ZBTB10: variants seen among roughly 807,000 people sequenced by gnomAD.
The protein encoded by ZBTB10 is zinc finger and BTB domain-containing protein 10.
Under a neutral mutation model 76.4 loss-of-function variants are expected in ZBTB10, and 32 were observed. The ratio of observed to expected loss-of-function variants is 0.42; its 90% confidence interval spans 0.32 to 0.56. The LOEUF (loss-of-function observed/expected upper bound fraction) is 0.56. Among genes scored for constraint, ZBTB10 ranks in the 20% least tolerant of loss-of-function variants. The pLI is 0.14. For missense variants in ZBTB10, 1,057 were observed against 1,098.5 expected, an observed-to-expected ratio of 0.96 and a Z score of 0.53; for synonymous variants, 523 against 432.9, an observed-to-expected ratio of 1.21 and a Z score of -2.58.
At chr8:80,519,102 G>GAACT in intron 5 of ZBTB10, 121 bp from the exon 6 acceptor site, 1 of 1,402,400 alleles carries the variant, frequency 7.1e-7, no homozygotes, top group East Asian at 2.5e-5. Flanking sequence ...CTGATAGTGA[G>GAACT]CTTTTTACAG....
At position 80,486,603 on chromosome 8, in the gene ZBTB10, G is replaced by A; in HGVS notation, c.-208G>A. 1.6e-5 allele frequency: 16 copies of A among 986,566 alleles called. No homozygotes were observed. The highest frequency in any genetic ancestry group is 1.9e-5 in the Non-Finnish European group (16 of 831,124). The allele number at this position is 986,566 out of a possible 1,614,324, so 61.1% of individuals were successfully genotyped here. On this transcript the variant is annotated 5_prime_UTR_variant, in exon 1 of 6. Coordinates refer to ENST00000455036, the MANE Select transcript of ZBTB10 (RefSeq NM_001105539.3). Reference sequence around the variant, plus strand: ...AGAGAGCGGTCGGAGGCGTCGGCCCGGCAGCGGCAGCGGCAGCGGACGCGT... The same window carrying A: ...AGAGAGCGGTCGGAGGCGTCGGCCCAGCAGCGGCAGCGGCAGCGGACGCGT...
chr8:80,497,412 T>C (rs950649781), intron 1 of ZBTB10, among the ~76,000 whole-genome samples: 1 of 151,294 alleles, frequency 6.6e-6, no homozygotes, highest in Non-Finnish European at 1.5e-5. Flanking sequence ...TTTTGCAGAA[T>C]TGGATCTTTT....
At chr8:80,502,534 G>A (rs575418017) in intron 2 of ZBTB10, among the ~76,000 whole-genome samples, 26 of 152,164 alleles carry the variant, frequency 1.7e-4, no homozygotes, top group African/African-American at 5.1e-4. Context: ...GTGCCCAGCC[G>A]TCTCTTAAAA....
In ZBTB10 at chr8:80,486,271, C is replaced by T. The variant is rs1247588381; in HGVS notation, c.-540C>T. ...CAGGGCCTGGTCGGACGGAAACGCT[C>T]CGCCGGCTTTATTGTCGCTTCGTTA... On this transcript the variant is annotated 5_prime_UTR_variant, in exon 1 of 6. Transcript: ENST00000455036. 2.0e-6 allele frequency: 2 copies of T among 1,017,478 alleles called. No homozygotes were observed. The highest frequency in any genetic ancestry group is 1.7e-5 in the African/African-American group (1 of 57,626). The allele number at this position is 1,017,478 out of a possible 1,614,324, so 63.0% of individuals were successfully genotyped here.
At position 80,514,497 on chromosome 8, in the gene ZBTB10, G is replaced by A. The variant is rs528451049; in HGVS notation, c.1960+489G>A. 5.3e-5 allele frequency among the ~76,000 whole-genome samples: 8 copies of A among 152,318 alleles called. No homozygotes were observed. The East Asian group carries it at 1.5e-3, about 29-fold the overall frequency. Reference sequence around the variant, plus strand: ...GAGTAAAAGAAAGTCATTCTTTACAGAAGAATGCCAAGCTGATAGAAGAAT... The same window carrying A: ...GAGTAAAAGAAAGTCATTCTTTACAAAAGAATGCCAAGCTGATAGAAGAAT... On this transcript the variant is annotated intron_variant, in intron 3 of 5. Transcript: ENST00000455036.
Position 80,486,320 on chromosome 8 carries a change from C to A in ZBTB10, c.-491C>A. 1.0e-6 allele frequency: 1 copy of A among 998,998 alleles called. No homozygotes were observed. Among genetic ancestry groups the A allele is most frequent in the Non-Finnish European group, 1.2e-6 (1 of 839,644 alleles). The allele number at this position is 998,998 out of a possible 1,614,324, so 61.9% of individuals were successfully genotyped here. On this transcript the variant is annotated 5_prime_UTR_variant, in exon 1 of 6. Coordinates refer to ENST00000455036, the MANE Select transcript of ZBTB10 (RefSeq NM_001105539.3). ...TATGTGGCGGAGCCGAGCAGTTTAG[C>A]GTGCCTCTCACCCTCAGCGCCTGCG...
upstream of ZBTB10, chr8:80,485,969 C>G: frequency 1.5e-6 from 2 of 1,338,084 alleles, no homozygotes; most frequent in Non-Finnish European, 2.0e-6. Context: ...GCCGCACACG[C>G]CCGCCCCCTC....
Position 80,494,375 on chromosome 8 carries a change from C to T in ZBTB10, c.973-5119C>T, listed in dbSNP as rs1013231727. ...CTTGTAACTGAAGTTAGCCTCTCTT[C>T]CTCTACCCCCGCAAAAGTGTAGGAG... On this transcript the variant is annotated intron_variant, in intron 1 of 5. Coordinates refer to ENST00000455036, the MANE Select transcript of ZBTB10 (RefSeq NM_001105539.3). Among the ~76,000 whole-genome samples, 6 of 152,262 alleles carry T rather than the reference C, an allele frequency of 3.9e-5. No homozygotes were observed. The South Asian group carries it at 6.2e-4, about 16-fold the overall frequency.
intron 2 of ZBTB10, among the ~76,000 whole-genome samples, chr8:80,510,004 A>T (rs1413786332): frequency 6.6e-6 from 1 of 152,188 alleles, no homozygotes; most frequent in Non-Finnish European, 1.5e-5. Context: ...ATACATGGTT[A>T]ATTAGAGAAG....
In ZBTB10 at chr8:80,487,797, G is replaced by A; in HGVS notation, c.972+15G>A. 6.5e-7 allele frequency: 1 copy of A among 1,535,814 alleles called. No individual in the cohort carries two copies. Among genetic ancestry groups the A allele is most frequent in the South Asian group, 1.3e-5 (1 of 78,576 alleles). ...CCAACGCCCAGGTACAGTATATCCT[G>A]CTCCTACTTTTTTGAGATCTTTTAG... On this transcript the variant is annotated intron_variant, in intron 1 of 5. Transcript: ENST00000455036.
intron 1 of ZBTB10, among the ~76,000 whole-genome samples, chr8:80,498,139 A>G (rs1815833788): frequency 6.6e-6 from 1 of 152,188 alleles, no homozygotes; most frequent in African/African-American, 2.4e-5. Context: ...ACATGATTGC[A>G]TTAAGTCATG....
chr8:80,486,469 A>C lies in ZBTB10; in HGVS notation c.-342A>C. 1 of 985,000 alleles carries C rather than the reference A, an allele frequency of 1.0e-6. No homozygotes were observed. The highest frequency in any genetic ancestry group is 1.7e-5 in the African/African-American group (1 of 57,248). The allele number at this position is 985,000 out of a possible 1,614,324, so 61.0% of individuals were successfully genotyped here. The stretch of plus-strand genomic sequence containing the variant: ...AGGGTCTCCCCGCACTCCGCTGCTC[A>C]ACTTCGAAGGCCTCGCTCGCTGCAG... On this transcript the variant is annotated 5_prime_UTR_variant, in exon 1 of 6. Coordinates refer to ENST00000455036, the MANE Select transcript of ZBTB10 (RefSeq NM_001105539.3).
intron 3 of ZBTB10, among the ~76,000 whole-genome samples, chr8:80,518,074 C>G (rs985092216): frequency 6.6e-6 from 1 of 151,564 alleles, no homozygotes; most frequent in African/African-American, 2.4e-5. Context: ...TCCATGTTGC[C>G]CAGGCTGGTT....
chr8:80,486,029 C>T (rs1585830259), upstream of ZBTB10: 4 of 1,040,206 alleles, frequency 3.8e-6, no homozygotes, highest in East Asian at 9.2e-5. Flanking sequence ...ACCCCTCGGC[C>T]GACTTCCTTC....
At chr8:80,491,220 T>C (rs527638267) in intron 1 of ZBTB10, among the ~76,000 whole-genome samples, 13 of 152,324 alleles carry the variant, frequency 8.5e-5, no homozygotes, top group Non-Finnish European at 1.5e-4. Flanking sequence ...TTTTCATGTT[T>C]AGATAGATTA....
chr8:80,487,626 C>T lies in ZBTB10; in HGVS notation c.816C>T (p.Cys272=), dbSNP rs781079150. ...RYSKDTGLMS[C]GWCQKTPADG... is the part of the protein sequence containing the mutation. ...CCAAGGATACTGGTCTTATGTCTTGCGGCTGGTGCCAAAAGACCCCTGCAG... is the reference window on the plus strand; with the variant it reads ...CCAAGGATACTGGTCTTATGTCTTGTGGCTGGTGCCAAAAGACCCCTGCAG... Residue 272 remains cysteine, a synonymous_variant, in exon 1 of 6, where the codon TGC becomes TGT. Coordinates refer to ENST00000455036, the MANE Select transcript of ZBTB10 (RefSeq NM_001105539.3). 1.2e-6 allele frequency: 2 copies of T among 1,613,810 alleles called. No individual in the cohort carries two copies. The highest frequency in any genetic ancestry group is 8.5e-7 in the Non-Finnish European group (1 of 1,179,852).
At chr8:80,490,473 G>A (rs1475172707) in intron 1 of ZBTB10, among the ~76,000 whole-genome samples, 2 of 152,106 alleles carry the variant, frequency 1.3e-5, no homozygotes, top group African/African-American at 4.8e-5. Context: ...TTGGGCTCAA[G>A]CAATTCTCCC....
chr8:80,498,638 G>C (rs1815846265), intron 1 of ZBTB10, among the ~76,000 whole-genome samples: 1 of 152,202 alleles, frequency 6.6e-6, no homozygotes, highest in South Asian at 2.1e-4. Context: ...TTAAGGAAAA[G>C]GCTCAGGGAT....
intron 2 of ZBTB10, among the ~76,000 whole-genome samples, chr8:80,501,515 CTGAT>C (rs1437687533): frequency 1.3e-5 from 2 of 152,100 alleles, no homozygotes; most frequent in African/African-American, 4.8e-5. Flanking sequence ...TGTTCAGTGT[CTGAT>C]TTATACGATG....
Sources: allele counts gnomAD v4.1 joint callset (sites outside exome capture counted in the v4.1 genomes callset), GRCh38; gene constraint gnomAD v4.1.1; transcripts MANE v1.5; gene names NCBI Gene and HGNC (gene_info 2026-07-23, HGNC 2026-07-21).